Variants in CCDC62 observed in about 807,000 individuals in gnomAD.
CCDC62 encodes coiled-coil domain containing 62, also known as coiled-coil domain-containing protein 62.
Under a neutral mutation model 80.8 loss-of-function variants are expected in CCDC62, and 72 were observed. The observed-to-expected ratio is 0.89, with a 90% confidence interval of 0.74 to 1.08. CCDC62 has a LOEUF of 1.08. Ranked by LOEUF, CCDC62 falls within the 50% of genes least tolerant of loss-of-function variation. The pLI, the probability that CCDC62 is intolerant of heterozygous loss-of-function variation, is 0.00. For synonymous variants in CCDC62, 286 were observed against 296.5 expected (o/e 0.96, Z 0.36); for missense variants, 704 against 809.4 (o/e 0.87, Z 1.58).
chr12:122,795,328 G>A (rs1273089028), intron 6 of CCDC62, among the ~76,000 whole-genome samples: 2 of 152,144 alleles, frequency 1.3e-5, no homozygotes, highest in African/African-American at 4.8e-5. Flanking sequence ...TAGGATTACA[G>A]GTGTGAGCCA....
chr12:122,822,576 T>TTA (rs2032455825), intron 11 of CCDC62, among the ~76,000 whole-genome samples: 1 of 146,240 alleles, frequency 6.8e-6, no homozygotes, highest in African/African-American at 2.6e-5. Context: ...AGTTCCACAT[T>TTA]TTTTTTTTTT....
rs539030728 is a variant in CCDC62, at chr12:122,797,542, A to T, written c.861+147A>T. 1.1e-4 allele frequency: 51 copies of T among 459,452 alleles called. No individual in the cohort carries two copies. In the South Asian group the frequency reaches 1.5e-3, roughly 13 times the overall value. 28.5% of individuals were successfully genotyped at this position (459,452 alleles called of 1,614,324 possible). ...TTGTATATCATGTTTATTTATTTTT[A>T]TTATTATTATTTTTTTGAGACGGAG... On this transcript the variant is annotated intron_variant, in intron 7 of 12. Transcript: ENST00000253079.
At chr12:122,775,199 A>T (rs974669846) in intron 1 of CCDC62, among the ~76,000 whole-genome samples, 1 of 151,920 alleles carries the variant, frequency 6.6e-6, no homozygotes, top group African/African-American at 2.4e-5. Flanking sequence ...CGGGCCACAG[A>T]GTAGCGCGTA....
intron 1 of CCDC62, among the ~76,000 whole-genome samples, 184 bp downstream of exon 1, chr12:122,774,890 C>A (rs1224814746): frequency 2.0e-5 from 3 of 150,862 alleles, no homozygotes; most frequent in Non-Finnish European, 4.4e-5. Context: ...GAGATCGAGA[C>A]CATCCTGGCT....
chr12:122,792,733 G>T (rs867256353), intron 6 of CCDC62, among the ~76,000 whole-genome samples: 4 of 152,110 alleles, frequency 2.6e-5, no homozygotes, highest in Admixed American at 6.6e-5. Flanking sequence ...TGGCCAGGCT[G>T]ATCTCGAACT....
At chr12:122,822,576 T>TTC (rs2032455825) in intron 11 of CCDC62, among the ~76,000 whole-genome samples, 1 of 146,240 alleles carries the variant, frequency 6.8e-6, no homozygotes, top group East Asian at 2.0e-4. Flanking sequence ...AGTTCCACAT[T>TTC]TTTTTTTTTT....
At chr12:122,791,006 G>C (rs144314294) in intron 5 of CCDC62, among the ~76,000 whole-genome samples, 20 of 152,202 alleles carry the variant, frequency 1.3e-4, no homozygotes, top group Admixed American at 1.3e-3. Context: ...AGGAGGGAAC[G>C]GCGGTGGGGA....
At chr12:122,780,637 A>AATAAT (rs1282608324) in intron 2 of CCDC62, among the ~76,000 whole-genome samples, 1 of 149,460 alleles carries the variant, frequency 6.7e-6, no homozygotes, top group Non-Finnish European at 1.5e-5. Flanking sequence ...AATAAAATAA[A>AATAAT]ATAAAATAAA....
intron 5 of CCDC62, among the ~76,000 whole-genome samples, chr12:122,790,883 T>G (rs776481479): frequency 2.0e-5 from 3 of 152,104 alleles, no homozygotes; most frequent in Non-Finnish European, 4.4e-5. Context: ...AAAAGATGCT[T>G]CTGTCACTTA....
Position 122,823,372 on chromosome 12 carries a change from GA to G in CCDC62, c.2009del (p.Glu670GlyfsTer27). 3 of 1,612,856 alleles carry G rather than the reference GA, an allele frequency of 1.9e-6. No individual in the cohort carries two copies. The highest frequency in any genetic ancestry group is 2.5e-6 in the Non-Finnish European group (3 of 1,178,876). ...TCTGGGAGTTGTTTTCTAGAAGTCAGAGGTCCCAGAAGAGTCAGCTCAAAAA... is the reference window on the plus strand; with the variant it reads ...TCTGGGAGTTGTTTTCTAGAAGTCAGGGTCCCAGAAGAGTCAGCTCAAAAA... Reference protein sequence around the residue: ...NLTGSATNKSEVPEESAQKNT... With the variant: ...NLTGSATNKSXVPEESAQKNT... On this transcript the variant is annotated frameshift_variant, in exon 12 of 13. Transcript: ENST00000253079. LOFTEE classifies it high-confidence loss of function.
At chr12:122,818,452 CAAAAAAAAAAAAA>C (rs138729013) in intron 11 of CCDC62, among the ~76,000 whole-genome samples, 1 of 61,962 alleles carries the variant, frequency 1.6e-5, no homozygotes, top group Non-Finnish European at 3.5e-5. Flanking sequence ...GACTCTGTCT[CAAAAAAAAAAAAA>C]AAAAAAAAAT....
rs558423570 is a variant in CCDC62, at chr12:122,819,940, T to C, written c.2002-3426T>C. Among the ~76,000 whole-genome samples the C allele has an allele frequency of 1.6e-4, 24 of 151,568 alleles. No homozygotes were observed. The East Asian group carries it at 4.3e-3, about 27-fold the overall frequency. ...AGCGGGGCATGGTGGTGCACACTTG[T>C]AGTCCCAGGCACTCGGGAGGCTGGG... On this transcript the variant is annotated intron_variant, in intron 11 of 12. Transcript: ENST00000253079.
At chr12:122,806,737 C>A (rs2031626003) in intron 10 of CCDC62, among the ~76,000 whole-genome samples, 1 of 151,304 alleles carries the variant, frequency 6.6e-6, no homozygotes, top group Non-Finnish European at 1.5e-5. Context: ...GCCTTGGCCT[C>A]CCAAAGTGTG....
At chr12:122,811,567 C>T (rs890107358) in intron 10 of CCDC62, among the ~76,000 whole-genome samples, 5 of 149,950 alleles carry the variant, frequency 3.3e-5, no homozygotes, top group Admixed American at 1.3e-4. Flanking sequence ...TGCCTGTACT[C>T]GCAGCACTTT....
intron 4 of CCDC62, 147 bp from the exon 5 acceptor site, chr12:122,788,610 TA>T (rs1263212479): frequency 1.7e-6 from 1 of 572,856 alleles, no homozygotes; most frequent in East Asian, 3.0e-5. Context: ...ACCACCCTCA[TA>T]GAGTTACTGT....
Position 122,798,168 on chromosome 12 carries a change from A to C in CCDC62, c.945A>C (p.Ser315=). The change falls in exon 8 of 13, where the codon TCA becomes TCC. Residue 315 remains serine, a synonymous_variant. Coordinates refer to ENST00000253079, the MANE Select transcript of CCDC62 (RefSeq NM_201435.5). ...NSQELIQMYD[S]KMEESKALDS... ...AGGAATTAATACAGATGTATGACTC[A>C]AAGATGGAGGAATCAAAGGCTCTGG... 1.3e-6 allele frequency: 2 copies of C among 1,582,646 alleles called. No homozygotes were observed. The highest frequency in any genetic ancestry group is 1.7e-6 in the Non-Finnish European group (2 of 1,151,902).
At chr12:122,794,961 G>A (rs890803705) in intron 6 of CCDC62, among the ~76,000 whole-genome samples, 6 of 152,144 alleles carry the variant, frequency 3.9e-5, no homozygotes, top group Non-Finnish European at 7.3e-5. Flanking sequence ...ATGAGCCATC[G>A]TGCTTGGCTT....
At chr12:122,797,905 A>G (rs1267403303) in intron 7 of CCDC62, among the ~76,000 whole-genome samples, 180 bp from the exon 8 acceptor site, 1 of 152,208 alleles carries the variant, frequency 6.6e-6, no homozygotes, top group Non-Finnish European at 1.5e-5. Context: ...GAGCCCAGCT[A>G]TCCTAGCAAA....
chr12:122,815,733 C>T (rs1345442690), intron 11 of CCDC62, among the ~76,000 whole-genome samples: 1 of 152,108 alleles, frequency 6.6e-6, no homozygotes, highest in Admixed American at 6.5e-5. Flanking sequence ...AGACGTGAGC[C>T]ACCACACCCA....
Sources: allele counts gnomAD v4.1 joint callset (sites outside exome capture counted in the v4.1 genomes callset), GRCh38; gene constraint gnomAD v4.1.1; transcripts MANE v1.5; gene names NCBI Gene and HGNC (gene_info 2026-07-23, HGNC 2026-07-21).